The following ALLC variants were observed in gnomAD, a reference collection of about 807,000 sequenced individuals.
The protein encoded by ALLC is allantoicase.
A neutral mutation model predicts 45.0 loss-of-function variants in ALLC; 40 were observed. The ratio of observed to expected loss-of-function variants is 0.89; its 90% confidence interval spans 0.69 to 1.16. ALLC has a LOEUF of 1.16. ALLC is among the 50% of genes most tolerant of loss of function. ALLC has a pLI of 0.00. For missense variants in ALLC, 488 were observed against 493.1 expected, an observed-to-expected ratio of 0.99 and a Z score of 0.10; for synonymous variants, 176 against 178.1, an observed-to-expected ratio of 0.99 and a Z score of 0.09.
intron 4 of ALLC, among the ~76,000 whole-genome samples, chr2:3,678,917 C>A (rs866299106): frequency 1.3e-5 from 2 of 152,266 alleles, no homozygotes; most frequent in Admixed American, 1.3e-4. Flanking sequence ...TCTTTATCCC[C>A]GTTTAACCGC....
chr2:3,662,585 T>C (rs964758725), intron 1 of ALLC, among the ~76,000 whole-genome samples: 8 of 152,242 alleles, frequency 5.3e-5, no homozygotes, highest in African/African-American at 1.7e-4. Context: ...ACCCCTGATA[T>C]TCTTTTTTTA....
intron 7 of ALLC, chr2:3,688,094 C>G (rs1487968773): frequency 6.5e-6 from 1 of 153,952 alleles, no homozygotes; most frequent in Non-Finnish European, 1.4e-5. Flanking sequence ...GAGGGAAATG[C>G]CAGCCCCAGC....
the ALLC span, among the ~76,000 whole-genome samples, chr2:3,648,219 G>A: frequency 6.7e-3 from 1,019 of 152,310 alleles, 14 homozygotes; most frequent in African/African-American, 0.023. Context: ...AGGAGCAGAG[G>A]TAATTATTTT....
intron 7 of ALLC, chr2:3,695,376 A>G (rs909317208): frequency 3.7e-6 from 1 of 269,404 alleles, no homozygotes; most frequent in Non-Finnish European, 7.1e-6. Flanking sequence ...AGTAAATAAC[A>G]AAGAGATATG....
the ALLC span, among the ~76,000 whole-genome samples, chr2:3,646,672 G>C: frequency 6.6e-6 from 1 of 152,182 alleles, no homozygotes; most frequent in East Asian, 1.9e-4. Flanking sequence ...CATTGGCGCA[G>C]ACTCTGTGTA....
At chr2:3,686,499 G>A (rs1667337348) in intron 7 of ALLC, among the ~76,000 whole-genome samples, 2 of 150,792 alleles carry the variant, frequency 1.3e-5, no homozygotes, top group Admixed American at 1.3e-4. Flanking sequence ...TTTTAATAGG[G>A]ATTGAATTGA....
Position 3,681,613 on chromosome 2 carries a change from G to A in ALLC, c.299-21G>A, listed in dbSNP as rs762525451. ...GATTTTGAACCCTAATCTTAATCCTGAATGGTCATTCCAACTACAGATAAA... is the reference window on the plus strand; with the variant it reads ...GATTTTGAACCCTAATCTTAATCCTAAATGGTCATTCCAACTACAGATAAA... On this transcript the variant is annotated intron_variant, in intron 5 of 11. Transcript: ENST00000252505. 5.1e-6 allele frequency: 8 copies of A among 1,579,496 alleles called. No individual in the cohort carries two copies. In the African/African-American group the frequency reaches 9.5e-5, roughly 19 times the overall value.
At chr2:3,701,491 C>A in intron 10 of ALLC, 21 bp from the exon 11 acceptor site, 1 of 1,567,246 alleles carries the variant, frequency 6.4e-7, no homozygotes, top group Non-Finnish European at 8.7e-7. Context: ...CAGAAAATCA[C>A]GCTGTGTTTT....
At chr2:3,690,977 A>C (rs1667501587) in intron 7 of ALLC, among the ~76,000 whole-genome samples, 2 of 151,542 alleles carry the variant, frequency 1.3e-5, no homozygotes, top group East Asian at 3.9e-4. Context: ...CAAATGGAAG[A>C]ACTTTAGCAT....
At chr2:3,647,461 G>A in the ALLC span, among the ~76,000 whole-genome samples, 9 of 152,218 alleles carry the variant, frequency 5.9e-5, no homozygotes, top group Non-Finnish European at 1.0e-4. Flanking sequence ...CTGCCGCAGA[G>A]TATTCCAGAG....
rs780812214 is a variant in ALLC at position 3,680,164 on chromosome 2, G to A, written c.298+170G>A. Among the ~76,000 whole-genome samples the A allele has an allele frequency of 4.6e-5, 7 of 152,132 alleles. No homozygotes were observed. The highest frequency in any genetic ancestry group is 1.0e-4 in the Non-Finnish European group (7 of 68,032). The stretch of plus-strand genomic sequence containing the variant: ...GTAGGACCAGGACTCCTAGTAGAGC[G>A]CTCTGTGGTTTTTGATTTGTGGCTT... On this transcript the variant is annotated intron_variant, in intron 5 of 11. Coordinates refer to ENST00000252505, the MANE Select transcript of ALLC (RefSeq NM_018436.4). This position sits in a 1 kb window ranked among gnomAD's most constrained non-coding sequence, Gnocchi z 4.0.
At chr2:3,674,954 G>T (rs567653609) in intron 3 of ALLC, among the ~76,000 whole-genome samples, 1 of 152,152 alleles carries the variant, frequency 6.6e-6, no homozygotes, top group Non-Finnish European at 1.5e-5. Flanking sequence ...GATTTACATC[G>T]TTTGCACAAG....
upstream of ALLC, among the ~76,000 whole-genome samples, chr2:3,657,474 A>G (rs1346920737): frequency 6.6e-6 from 1 of 150,940 alleles, no homozygotes; most frequent in East Asian, 2.0e-4. Flanking sequence ...GTTCCAGCTC[A>G]GTCCCTCCCT....
At chr2:3,660,562 AC>A (rs1231713840) in intron 1 of ALLC, among the ~76,000 whole-genome samples, 1 of 151,980 alleles carries the variant, frequency 6.6e-6, no homozygotes, top group East Asian at 1.9e-4. Flanking sequence ...TCTCGGCAAG[AC>A]CATTTACTGC....
rs935672371 is a variant in ALLC, at chr2:3,686,687, A to T, written c.511+3613A>T. Among the ~76,000 whole-genome samples the T allele has an allele frequency of 1.3e-5, 2 of 150,798 alleles. 1 individual carries two copies. The highest frequency in any genetic ancestry group is 3.0e-5 in the Non-Finnish European group (2 of 67,540). On this transcript the variant is annotated intron_variant, in intron 7 of 11. Transcript: ENST00000252505. ...GGATAAATGGATTCCTCAGTATTTT[A>T]TAGTTTTTGTAGCTATTGTATATGC...
intron 3 of ALLC, among the ~76,000 whole-genome samples, chr2:3,676,208 G>A (rs762834751): frequency 9.2e-5 from 14 of 151,876 alleles, no homozygotes; most frequent in Non-Finnish European, 1.6e-4. Flanking sequence ...ACATATATTC[G>A]TAAATATATA....
intron 9 of ALLC, among the ~76,000 whole-genome samples, chr2:3,696,770 T>A (rs1667684777): frequency 6.6e-6 from 1 of 152,196 alleles, no homozygotes; most frequent in African/African-American, 2.4e-5. Context: ...ATGCAGCTGT[T>A]TAATTTGGCC....
At chr2:3,678,917 C>T (rs866299106) in intron 4 of ALLC, among the ~76,000 whole-genome samples, 1 of 152,148 alleles carries the variant, frequency 6.6e-6, no homozygotes, top group South Asian at 2.1e-4. Flanking sequence ...TCTTTATCCC[C>T]GTTTAACCGC....
At chr2:3,692,104 G>C (rs778719115) in intron 7 of ALLC, among the ~76,000 whole-genome samples, 1 of 152,126 alleles carries the variant, frequency 6.6e-6, no homozygotes, top group Non-Finnish European at 1.5e-5. Flanking sequence ...ATTATGATCA[G>C]TCACTGGTTC....
Sources: allele counts gnomAD v4.1 joint callset (sites outside exome capture counted in the v4.1 genomes callset), GRCh38; gene constraint gnomAD v4.1.1; non-coding constraint Gnocchi (gnomAD v3.1); transcripts MANE v1.5; gene names NCBI Gene and HGNC (gene_info 2026-07-23, HGNC 2026-07-21).